Variants in SCEL observed in about 807,000 individuals in gnomAD.
SCEL encodes sciellin.
SCEL carries 113 observed loss-of-function variants against 117.6 expected under a neutral mutation model. The ratio of observed to expected loss-of-function variants is 0.96; its 90% confidence interval spans 0.83 to 1.12. The LOEUF (loss-of-function observed/expected upper bound fraction) is 1.12. Ranked by LOEUF, SCEL falls within the 50% of genes most tolerant of loss-of-function variation. The pLI is 0.00. For missense variants in SCEL, 785 were observed against 810.8 expected, an observed-to-expected ratio of 0.97 and a Z score of 0.39; for synonymous variants, 270 against 256.2, an observed-to-expected ratio of 1.05 and a Z score of -0.51.
chr13:77,574,682 T>G (rs1450568929), intron 9 of SCEL, among the ~76,000 whole-genome samples: 1 of 152,144 alleles, frequency 6.6e-6, no homozygotes, highest in Non-Finnish European at 1.5e-5. Flanking sequence ...AAGCAATTAT[T>G]AAATGATGAA....
intron 9 of SCEL, among the ~76,000 whole-genome samples, chr13:77,584,102 C>G (rs896843014): frequency 1.3e-5 from 2 of 152,180 alleles, no homozygotes; most frequent in East Asian, 1.9e-4. Flanking sequence ...TCAACTTACC[C>G]AAGCTTAAAC....
intron 9 of SCEL, among the ~76,000 whole-genome samples, chr13:77,583,393 G>A (rs903151532): frequency 2.6e-5 from 4 of 152,298 alleles, no homozygotes; most frequent in East Asian, 1.9e-4. Flanking sequence ...ACTAGAAAGC[G>A]AGGCATCATC....
chr13:77,535,748 TTTC>T lies in SCEL; in HGVS notation c.-93_-91del, dbSNP rs2154392234. On this transcript the variant is annotated 5_prime_UTR_variant, in exon 1 of 33. Transcript: ENST00000349847. ...CCACTGAATAAACTCTAGGTTCCCA[TTTC>T]TTTCAGCCAGATCCTCCCAGGGAAT... is the stretch of plus-strand genomic sequence containing the variant. 6.6e-6 allele frequency: 1 copy of T among 152,286 alleles called. No individual in the cohort carries two copies. Among genetic ancestry groups the T allele is most frequent in the African/African-American group, 2.4e-5 (1 of 41,566 alleles). 9.4% of individuals were successfully genotyped at this position (152,286 alleles called of 1,614,324 possible).
intron 9 of SCEL, among the ~76,000 whole-genome samples, chr13:77,588,157 A>G (rs1250432720): frequency 6.6e-6 from 1 of 152,222 alleles, no homozygotes; most frequent in Non-Finnish European, 1.5e-5. Context: ...GACATTACCC[A>G]GCTCACAGAG....
At chr13:77,558,772 C>T (rs990859386) in intron 3 of SCEL, among the ~76,000 whole-genome samples, 1 of 145,214 alleles carries the variant, frequency 6.9e-6, no homozygotes, top group Admixed American at 7.1e-5. Flanking sequence ...GCCGAGATAT[C>T]GCACCACTGC....
intron 4 of SCEL, among the ~76,000 whole-genome samples, chr13:77,562,352 G>A (rs980090790): frequency 2.0e-5 from 3 of 152,132 alleles, no homozygotes; most frequent in Non-Finnish European, 2.9e-5. Flanking sequence ...ACACACGATG[G>A]TGAACCACAC....
chr13:77,615,358 T>C (rs1008531098), intron 24 of SCEL, among the ~76,000 whole-genome samples: 1 of 152,106 alleles, frequency 6.6e-6, no homozygotes, highest in African/African-American at 2.4e-5. Context: ...TCTTAAAATA[T>C]ATAAAAATTA....
At chr13:77,606,019 T>C (rs896153263) in intron 19 of SCEL, among the ~76,000 whole-genome samples, 2 of 152,116 alleles carry the variant, frequency 1.3e-5, no homozygotes, top group Admixed American at 6.6e-5. Flanking sequence ...TCAGGACTTA[T>C]TTTTCTTCAT....
In SCEL at chr13:77,610,133, T is replaced by A; in HGVS notation, c.1337+27T>A. ...TAAGGTTTATGGAACTCTCTATTTCTCCCCCCTTTTTTTTTCCTAATGAGC... is the reference window on the plus strand; with the variant it reads ...TAAGGTTTATGGAACTCTCTATTTCACCCCCCTTTTTTTTTCCTAATGAGC... On this transcript the variant is annotated intron_variant, in intron 22 of 32. Coordinates refer to ENST00000349847, the MANE Select transcript of SCEL (RefSeq NM_144777.3). 6.6e-6 allele frequency: 10 copies of A among 1,524,832 alleles called. No homozygotes were observed. The South Asian group carries it at 9.7e-5, about 15-fold the overall frequency. 94.5% of individuals were successfully genotyped at this position (1,524,832 alleles called of 1,614,324 possible).
At chr13:77,580,376 A>G (rs190416090) in intron 9 of SCEL, among the ~76,000 whole-genome samples, 26 of 152,328 alleles carry the variant, frequency 1.7e-4, no homozygotes, top group African/African-American at 6.3e-4. Context: ...TGAGACTTTT[A>G]AAAGAGTGGT....
At chr13:77,620,105 C>T (rs899740627) in intron 27 of SCEL, among the ~76,000 whole-genome samples, 6 of 152,140 alleles carry the variant, frequency 3.9e-5, no homozygotes, top group African/African-American at 1.4e-4. Flanking sequence ...TTTAAGATGG[C>T]GGCTTGATTC....
intron 31 of SCEL, among the ~76,000 whole-genome samples, chr13:77,641,915 G>A (rs891676123): frequency 6.6e-6 from 1 of 152,038 alleles, no homozygotes; most frequent in Non-Finnish European, 1.5e-5. Flanking sequence ...TCTCCAGGTT[G>A]TATAATTAGT....
At chr13:77,552,743 G>A (rs1690161846) in intron 1 of SCEL, among the ~76,000 whole-genome samples, 1 of 152,090 alleles carries the variant, frequency 6.6e-6, no homozygotes, top group Non-Finnish European at 1.5e-5. Context: ...CATTGCTTTT[G>A]GTGTTTTAGA....
chr13:77,586,164 C>T (rs1265384104), intron 9 of SCEL, among the ~76,000 whole-genome samples: 1 of 152,104 alleles, frequency 6.6e-6, no homozygotes. Context: ...CTCCTCTTGT[C>T]ATAATGCTTG....
At position 77,645,036 on chromosome 13, in the gene SCEL, A is replaced by T. The variant is rs918773392; in HGVS notation, c.*762A>T. 14 of 152,120 alleles carry T rather than the reference A, an allele frequency of 9.2e-5. 1 individual carries two copies. The highest frequency in any genetic ancestry group is 2.6e-4 in the Admixed American group (4 of 15,272). 9.4% of individuals were successfully genotyped at this position (152,120 alleles called of 1,614,324 possible). A position where few individuals can be genotyped will look rare whatever the true frequency, so the allele number is the denominator to read the frequency against. On this transcript the variant is annotated 3_prime_UTR_variant, in exon 33 of 33. Transcript: ENST00000349847. ...TGAAAACTGTGTTTTAAAAACAGAA[A>T]CAGATTGATGGGTAACAGGTAAAAT...
At position 77,613,971 on chromosome 13, in the gene SCEL, G is replaced by A. The variant is rs752200392; in HGVS notation, c.1451+16G>A. ...ACACTGATGGGTAAGAGATGGATGTGATTTTTGTTGTGTTTCTCGTTAAGT... is the reference window on the plus strand; with the variant it reads ...ACACTGATGGGTAAGAGATGGATGTAATTTTTGTTGTGTTTCTCGTTAAGT... On this transcript the variant is annotated intron_variant, in intron 24 of 32. Coordinates refer to ENST00000349847, the MANE Select transcript of SCEL (RefSeq NM_144777.3). The A allele has an allele frequency of 6.2e-6, 10 of 1,604,600 alleles. No homozygotes were observed. In the Admixed American group the frequency reaches 1.5e-4, roughly 24 times the overall value.
intron 32 of SCEL, among the ~76,000 whole-genome samples, chr13:77,643,204 G>C (rs2090642989): frequency 6.6e-6 from 1 of 151,946 alleles, no homozygotes; most frequent in African/African-American, 2.4e-5. Context: ...AAATGCTTTT[G>C]AATATTACTT....
At chr13:77,637,264 A>T in intron 30 of SCEL, 70 bp downstream of exon 30, 1 of 438,914 alleles carries the variant, frequency 2.3e-6, no homozygotes, top group Non-Finnish European at 4.0e-6. Context: ...ATATATATAT[A>T]TATACACACA....
rs1469418758 is a variant in SCEL, at chr13:77,602,636, T to C, written c.978-18T>C. ...TGTACTGTAACCTAACTGACAAGTT[T>C]TGGTGTTTTTTCCAAAGAAGACAAA... On this transcript the variant is annotated intron_variant, in intron 16 of 32. Transcript: ENST00000349847. 1.2e-6 allele frequency: 2 copies of C among 1,609,788 alleles called. No individual in the cohort carries two copies. Among genetic ancestry groups the C allele is most frequent in the African/African-American group, 1.3e-5 (1 of 74,808 alleles).
Sources: allele counts gnomAD v4.1 joint callset (sites outside exome capture counted in the v4.1 genomes callset), GRCh38; gene constraint gnomAD v4.1.1; transcripts MANE v1.5; gene names NCBI Gene and HGNC (gene_info 2026-07-23, HGNC 2026-07-21).